Variants in PTGIS observed in about 807,000 individuals in gnomAD.
The protein encoded by PTGIS is prostaglandin I2 synthase.
Under a neutral mutation model 50.3 loss-of-function variants are expected in PTGIS, and 45 were observed. The ratio of observed to expected loss-of-function variants is 0.90; its 90% CI spans 0.70 to 1.15. The LOEUF is 1.15. PTGIS is among the 50% of genes most tolerant of loss of function. The probability of loss-of-function intolerance (pLI) is 0.00; values close to 1 mark genes in which losing one functional copy is unlikely to be tolerated. For missense variants in PTGIS, 668 were observed against 661.3 expected (o/e 1.01, Z -0.11); for synonymous variants, 260 against 267.7 (o/e 0.97, Z 0.28).
At chr20:49,526,450 TAC>T (rs1346408510) in intron 5 of PTGIS, among the ~76,000 whole-genome samples, 2 of 152,208 alleles carry the variant, frequency 1.3e-5, no homozygotes, top group Non-Finnish European at 2.9e-5. Context: ...CCCCTGTGCC[TAC>T]AGCAGTTCTG....
intron 1 of PTGIS, among the ~76,000 whole-genome samples, chr20:49,562,421 G>T (rs529678433): frequency 6.6e-6 from 1 of 152,274 alleles, no homozygotes; most frequent in South Asian, 2.1e-4. Context: ...CCGGAGCCCA[G>T]GCGCCTGACC....
intron 5 of PTGIS, 44 bp from the exon 6 acceptor site, chr20:49,524,283 T>TC: frequency 6.2e-7 from 1 of 1,602,540 alleles, no homozygotes; most frequent in East Asian, 2.2e-5. Context: ...AGATTCACCA[T>TC]CCCACACCCA....
chr20:49,542,878 C>T (rs956511250), intron 4 of PTGIS, among the ~76,000 whole-genome samples: 1 of 152,100 alleles, frequency 6.6e-6, no homozygotes, highest in African/African-American at 2.4e-5. Flanking sequence ...TCAGTTTTCT[C>T]ATCTGTCAAA....
intron 3 of PTGIS, among the ~76,000 whole-genome samples, chr20:49,545,709 G>C (rs1237429735): frequency 6.6e-6 from 1 of 152,096 alleles, no homozygotes; most frequent in African/African-American, 2.4e-5. Context: ...GACCAAAAAG[G>C]ATATCCCTAC....
chr20:49,544,853 G>A (rs1477346099), intron 3 of PTGIS, among the ~76,000 whole-genome samples: 1 of 152,174 alleles, frequency 6.6e-6, no homozygotes, highest in African/African-American at 2.4e-5. Flanking sequence ...CACACAGCTT[G>A]GATAAGGGAC....
At chr20:49,568,001 GC>G in intron 1 of PTGIS, 41 bp downstream of exon 1, 2 of 1,455,730 alleles carry the variant, frequency 1.4e-6, no homozygotes, top group Non-Finnish European at 1.8e-6. Flanking sequence ...GGCGGGAGCC[GC>G]CCCCTTTGTC....
At position 49,506,309 on chromosome 20, in the gene PTGIS, T is replaced by C. The variant is rs6095553; in HGVS notation, c.*1611A>G. 10 of 152,360 alleles carry C rather than the reference T, an allele frequency of 6.6e-5. No homozygotes were observed. Among genetic ancestry groups the C allele is most frequent in the African/African-American group, 2.4e-4 (10 of 41,584 alleles). 9.4% of individuals were successfully genotyped at this position (152,360 alleles called of 1,614,324 possible). A position where few individuals can be genotyped will look rare whatever the true frequency, so the allele number is the denominator to read the frequency against. On this transcript the variant is annotated 3_prime_UTR_variant, in exon 10 of 10. Coordinates refer to ENST00000244043, the MANE Select transcript of PTGIS (RefSeq NM_000961.4). ...AAGGGTCTCAATAAACAGGACTTTATATTAATAAAAATAGCATCATAAAAA... is the reference window on the plus strand; with the variant it reads ...AAGGGTCTCAATAAACAGGACTTTACATTAATAAAAATAGCATCATAAAAA...
chr20:49,557,890 C>T (rs1428591030), intron 1 of PTGIS, among the ~76,000 whole-genome samples: 1 of 152,170 alleles, frequency 6.6e-6, no homozygotes, highest in East Asian at 1.9e-4. Flanking sequence ...TTCCCTCTTT[C>T]TCTTACAGCC....
chr20:49,546,240 C>T (rs928462180), intron 3 of PTGIS, among the ~76,000 whole-genome samples: 1 of 152,300 alleles, frequency 6.6e-6, no homozygotes, highest in South Asian at 2.1e-4. Flanking sequence ...CAGAAAATTC[C>T]TGAGGCAAAC....
intron 3 of PTGIS, among the ~76,000 whole-genome samples, chr20:49,547,198 C>CT (rs1982381572): frequency 6.6e-6 from 1 of 152,156 alleles, no homozygotes; most frequent in African/African-American, 2.4e-5. Context: ...TGCCACTGCA[C>CT]TCTGGCCTGG....
intron 4 of PTGIS, among the ~76,000 whole-genome samples, chr20:49,541,608 G>T (rs1233926659): frequency 1.3e-5 from 2 of 152,134 alleles, no homozygotes; most frequent in African/African-American, 4.8e-5. Context: ...GGCGGCACCT[G>T]TAGTCCCAGC....
intron 6 of PTGIS, among the ~76,000 whole-genome samples, chr20:49,519,069 A>G (rs969506811): frequency 2.6e-5 from 4 of 152,140 alleles, no homozygotes; most frequent in African/African-American, 7.2e-5. Flanking sequence ...TCCTGGCATT[A>G]CCAGCATCAG....
In PTGIS at chr20:49,511,264, T is replaced by A. The variant is rs966336623; in HGVS notation, c.1207-85A>T. On this transcript the variant is annotated intron_variant, in intron 8 of 9. Transcript: ENST00000244043. The stretch of plus-strand genomic sequence containing the variant: ...AAATGTATGAGGATGTTCATGACAG[T>A]CATGTTTATAAGAGGGAAAAACTGG... The A allele has an allele frequency of 1.2e-5, 19 of 1,527,708 alleles. No individual in the cohort carries two copies. In the East Asian group the frequency reaches 4.1e-4, roughly 33 times the overall value. 94.6% of individuals were successfully genotyped at this position (1,527,708 alleles called of 1,614,324 possible).
intron 5 of PTGIS, among the ~76,000 whole-genome samples, chr20:49,527,316 G>C (rs1200278207): frequency 6.6e-6 from 1 of 151,364 alleles, no homozygotes; most frequent in African/African-American, 2.4e-5. Flanking sequence ...AATTAGCCAG[G>C]CATGGTGGTG....
chr20:49,543,041 T>G (rs1982270379), intron 4 of PTGIS, among the ~76,000 whole-genome samples: 1 of 152,176 alleles, frequency 6.6e-6, no homozygotes, highest in Non-Finnish European at 1.5e-5. Flanking sequence ...AGAACTATGT[T>G]GCTCTAATTT....
intron 1 of PTGIS, among the ~76,000 whole-genome samples, chr20:49,552,057 G>A (rs1296471999): frequency 2.6e-5 from 4 of 152,114 alleles, no homozygotes; most frequent in Non-Finnish European, 1.5e-5. Flanking sequence ...TCCTTCTGGG[G>A]AGAAACCTCT....
chr20:49,556,476 G>A (rs1468722885), intron 1 of PTGIS, among the ~76,000 whole-genome samples: 1 of 152,168 alleles, frequency 6.6e-6, no homozygotes, highest in Non-Finnish European at 1.5e-5. Context: ...TGCAGGCACA[G>A]CTAAATCCTT....
At position 49,507,950 on chromosome 20, in the gene PTGIS, G is replaced by T. The variant is rs201583708; in HGVS notation, c.1473C>A (p.Asp491Glu). ...GGCGGATGCGGTAGCGGACGGGCAC[G>T]TCGTGTTCCGGCTGCATCAGACCGA... ...YGFGLMQPEH[D>E]VPVRYRIRP Residue 491 changes from aspartate to glutamate, a missense_variant, in exon 10 of 10, where the codon GAC becomes GAA. Coordinates refer to ENST00000244043, the MANE Select transcript of PTGIS (RefSeq NM_000961.4). 101 of 1,613,088 alleles carry T rather than the reference G, an allele frequency of 6.3e-5. No homozygotes were observed. Among genetic ancestry groups the T allele is most frequent in the Admixed American group, 1.5e-4 (9 of 60,014 alleles).
In PTGIS at chr20:49,549,638, A is replaced by T. The variant is rs540207029; in HGVS notation, c.198+428T>A. 5.5e-4 allele frequency among the ~76,000 whole-genome samples: 84 copies of T among 152,308 alleles called. 1 individual carries two copies. Among genetic ancestry groups the T allele is most frequent in the African/African-American group, 2.0e-3 (82 of 41,568 alleles). ...GTCGGGTGAATCTATGGAAAAACTG[A>T]TGGGTGAGTGGATAGACGGAGGTTG... On this transcript the variant is annotated intron_variant, in intron 2 of 9. Coordinates refer to ENST00000244043, the MANE Select transcript of PTGIS (RefSeq NM_000961.4).
Sources: gnomAD v4.1 joint callset for allele counts (sites outside exome capture counted in the v4.1 genomes callset) on GRCh38, gnomAD v4.1.1 for gene constraint, MANE v1.5 for transcripts, NCBI Gene and HGNC (gene_info 2026-07-23, HGNC 2026-07-21) for gene names.